Variants in VOPP1 observed in about 807,000 individuals in gnomAD.
VOPP1 encodes VOPP1 WW domain binding protein.
In VOPP1, 8 loss-of-function variants were observed where a neutral mutation model predicts 23.5. The observed-to-expected ratio is 0.34, with a 90% CI of 0.20 to 0.61. The LOEUF (loss-of-function observed/expected upper bound fraction) is 0.61, where lower values mean the gene tolerates loss of function less well. VOPP1 is among the 20% of genes least tolerant of loss of function. The pLI is 0.78. For missense variants in VOPP1, 174 were observed against 238.1 expected, an observed-to-expected ratio of 0.73 and a Z score of 1.77; for synonymous variants, 83 against 97.3, an observed-to-expected ratio of 0.85 and a Z score of 0.86.
chr7:55,562,934 G>T (rs1798037360), intron 1 of VOPP1, among the ~76,000 whole-genome samples: 1 of 152,140 alleles, frequency 6.6e-6, no homozygotes, highest in Non-Finnish European at 1.5e-5. Context: ...TATGCGGTCT[G>T]GGCACATCAC....
intron 2 of VOPP1, among the ~76,000 whole-genome samples, chr7:55,514,208 TCC>T (rs1795259764): frequency 6.6e-6 from 1 of 152,244 alleles, no homozygotes. Context: ...AAAATCCATC[TCC>T]CATTTGTCGC....
intron 1 of VOPP1, among the ~76,000 whole-genome samples, chr7:55,523,040 G>C (rs1584021364): frequency 6.6e-6 from 1 of 152,314 alleles, no homozygotes; most frequent in Middle Eastern, 3.4e-3. Context: ...CAGGGCCCTT[G>C]GTGGGTGTCT....
intron 4 of VOPP1, among the ~76,000 whole-genome samples, chr7:55,449,980 T>C (rs1322329570): frequency 6.6e-6 from 1 of 152,208 alleles, no homozygotes; most frequent in African/African-American, 2.4e-5. Context: ...AGCAGACCTT[T>C]GGAAATGCGG....
chr7:55,442,160 A>G (rs1207942889), intron 4 of VOPP1, among the ~76,000 whole-genome samples: 1 of 152,192 alleles, frequency 6.6e-6, no homozygotes, highest in South Asian at 2.1e-4. Flanking sequence ...GACACAGTTT[A>G]TGACATGTGA....
At chr7:55,451,650 G>C (rs576442790) in intron 4 of VOPP1, among the ~76,000 whole-genome samples, 252 of 152,238 alleles carry the variant, frequency 1.7e-3, no homozygotes, top group South Asian at 4.8e-3. Context: ...AATCAGCTGG[G>C]CGTGCTGGCG....
At chr7:55,533,393 C>G (rs1288119369) in intron 1 of VOPP1, among the ~76,000 whole-genome samples, 1 of 152,048 alleles carries the variant, frequency 6.6e-6, no homozygotes, top group African/African-American at 2.4e-5. Flanking sequence ...CCAGAGCCAT[C>G]ACTTATAAAT....
At chr7:55,539,899 GCACACACACACACACA>G (rs60831624) in intron 1 of VOPP1, among the ~76,000 whole-genome samples, 5 of 139,328 alleles carry the variant, frequency 3.6e-5, no homozygotes, top group East Asian at 2.1e-4. Flanking sequence ...CATAAGCGCT[GCACACACACACACACA>G]CACACACACA....
chr7:55,559,403 G>A (rs749101790), intron 1 of VOPP1, among the ~76,000 whole-genome samples: 21 of 150,758 alleles, frequency 1.4e-4, no homozygotes, highest in Non-Finnish European at 2.5e-4. Context: ...GCCGCTGACC[G>A]TGCCATTGGG....
intron 2 of VOPP1, among the ~76,000 whole-genome samples, chr7:55,505,530 G>A (rs73137625): frequency 1.3e-3 from 201 of 151,966 alleles, no homozygotes; most frequent in Non-Finnish European, 2.1e-3. Context: ...CTACTCAGAT[G>A]GAGCAGATCG....
At chr7:55,514,474 T>C (rs1262430893) in intron 2 of VOPP1, among the ~76,000 whole-genome samples, 1 of 152,196 alleles carries the variant, frequency 6.6e-6, no homozygotes, top group African/African-American at 2.4e-5. Flanking sequence ...CCCCAAAGAA[T>C]GCTTTCAGAA....
intron 1 of VOPP1, among the ~76,000 whole-genome samples, chr7:55,529,321 C>T (rs1256542163): frequency 3.5e-5 from 5 of 142,062 alleles, no homozygotes; most frequent in African/African-American, 5.5e-5. Context: ...GCTGAGATGG[C>T]GCCACTGCAC....
At chr7:55,453,584 G>A (rs111634973) in intron 4 of VOPP1, among the ~76,000 whole-genome samples, 1,907 of 152,268 alleles carry the variant, frequency 0.013, 15 homozygotes, top group Middle Eastern at 0.027. Context: ...CAGAATACAC[G>A]TTTATTGATT....
At chr7:55,564,652 C>G (rs1435576375) in intron 1 of VOPP1, among the ~76,000 whole-genome samples, 1 of 152,108 alleles carries the variant, frequency 6.6e-6, no homozygotes, top group East Asian at 1.9e-4. Flanking sequence ...ACTTTTTAAT[C>G]GACAGGATAA....
At chr7:55,519,086 C>T (rs1209218557) in intron 2 of VOPP1, among the ~76,000 whole-genome samples, 3 of 152,136 alleles carry the variant, frequency 2.0e-5, no homozygotes, top group Admixed American at 6.5e-5. Context: ...AGGACAATGC[C>T]GGGGCCTGGA....
chr7:55,550,856 C>T (rs760910935), intron 1 of VOPP1, among the ~76,000 whole-genome samples: 5 of 152,086 alleles, frequency 3.3e-5, no homozygotes, highest in African/African-American at 7.2e-5. Context: ...CCAATTATTC[C>T]ACAATTAGAA....
intron 4 of VOPP1, among the ~76,000 whole-genome samples, chr7:55,458,204 T>C (rs1791415189): frequency 6.6e-6 from 1 of 152,216 alleles, no homozygotes; most frequent in African/African-American, 2.4e-5. Flanking sequence ...TACACATTCT[T>C]GGCACCTTTG....
At chr7:55,436,632 G>A (rs1455917666) in intron 4 of VOPP1, among the ~76,000 whole-genome samples, 2 of 135,166 alleles carry the variant, frequency 1.5e-5, no homozygotes, top group East Asian at 4.0e-4. Flanking sequence ...GTGTGTGTGC[G>A]TGTGTGTGCG....
At chr7:55,548,164 C>T (rs955487015) in intron 1 of VOPP1, among the ~76,000 whole-genome samples, 17 of 152,230 alleles carry the variant, frequency 1.1e-4, no homozygotes, top group African/African-American at 3.9e-4. Flanking sequence ...CATTCTATTT[C>T]GTTTACACAT....
chr7:55,522,484 G>C (rs1185270196), intron 1 of VOPP1, among the ~76,000 whole-genome samples: 1 of 152,218 alleles, frequency 6.6e-6, no homozygotes, highest in African/African-American at 2.4e-5. Flanking sequence ...GCACAGAAGA[G>C]CAATTTCAGG....
Sources: allele counts gnomAD v4.1 joint callset (sites outside exome capture counted in the v4.1 genomes callset), GRCh38; gene constraint gnomAD v4.1.1; transcripts MANE v1.5; gene names NCBI Gene and HGNC (gene_info 2026-07-23, HGNC 2026-07-21).